Variants in POLDIP3 observed in about 807,000 individuals in gnomAD.
POLDIP3 encodes the protein polymerase delta-interacting protein 3.
A neutral mutation model predicts 45.1 loss-of-function variants in POLDIP3; 14 were observed. The observed-to-expected ratio is 0.31, with a 90% CI of 0.20 to 0.49. The LOEUF (loss-of-function observed/expected upper bound fraction) is 0.49. POLDIP3 is among the 20% of genes least tolerant of loss of function. POLDIP3 has a pLI of 0.99. For missense variants in POLDIP3, 511 were observed against 538.8 expected (o/e 0.95, Z 0.51); for synonymous variants, 223 against 205.2 (o/e 1.09, Z -0.74).
intron 7 of POLDIP3, 34 bp downstream of exon 7, chr22:42,591,921 G>T (rs1925689572): frequency 6.2e-7 from 1 of 1,613,176 alleles, no homozygotes; most frequent in African/African-American, 1.3e-5. Flanking sequence ...GAGATGAGTG[G>T]GAGGGTCAGG....
chr22:42,595,458 A>G, intron 6 of POLDIP3, 79 bp downstream of exon 6: 1 of 1,322,778 alleles, frequency 7.6e-7, no homozygotes, highest in Non-Finnish European at 1.1e-6. Flanking sequence ...GCAGTCATCA[A>G]ACCTGAGGGT....
At chr22:42,602,189 A>T in intron 2 of POLDIP3, 133 bp from the exon 3 acceptor site, 5 of 1,354,836 alleles carry the variant, frequency 3.7e-6, no homozygotes, top group Non-Finnish European at 5.1e-6. Flanking sequence ...AGAGGGCCTT[A>T]TCCTCCACAG....
At position 42,600,760 on chromosome 22, in the gene POLDIP3, A is replaced by G. The variant is rs552887942; in HGVS notation, c.538-967T>C. On this transcript the variant is annotated intron_variant, in intron 3 of 8. Coordinates refer to ENST00000252115, the MANE Select transcript of POLDIP3 (RefSeq NM_032311.5). ...CAAGGTGGGCGAATTACCTGAGGTC[A>G]GGAGTTCGAGATCAGCCTGACCAAC... Among the ~76,000 whole-genome samples the G allele has an allele frequency of 5.1e-3, 777 of 152,238 alleles. 4 individuals are homozygous for G. Among genetic ancestry groups the G allele is most frequent in the African/African-American group, 0.018 (728 of 41,550 alleles).
chr22:42,607,462 C>T (rs973223516), intron 1 of POLDIP3, among the ~76,000 whole-genome samples: 5 of 152,242 alleles, frequency 3.3e-5, no homozygotes, highest in African/African-American at 1.2e-4. Flanking sequence ...TCGCTACAAC[C>T]TCCACCTCCC....
At chr22:42,603,843 T>C (rs1001224691) in intron 1 of POLDIP3, among the ~76,000 whole-genome samples, 2 of 152,210 alleles carry the variant, frequency 1.3e-5, no homozygotes, top group African/African-American at 4.8e-5. Flanking sequence ...GGGTTCGCTA[T>C]TTGGGTAATG....
In POLDIP3 at chr22:42,614,702, C is replaced by G. The variant is rs1210701687; in HGVS notation, c.59+97G>C. ...GCGGCTGTGGTCGGGGGCGGGCGCA[C>G]CCGGTCCTCCGCGTCGCTCCCGGAT... is the stretch of plus-strand genomic sequence containing the variant. On this transcript the variant is annotated intron_variant, in intron 1 of 8. Coordinates refer to ENST00000252115, the MANE Select transcript of POLDIP3 (RefSeq NM_032311.5). The G allele has an allele frequency of 5.1e-6, 7 of 1,383,362 alleles. No homozygotes were observed. The East Asian group carries it at 1.4e-4, about 28-fold the overall frequency. The allele number at this position is 1,383,362 out of a possible 1,614,324, so 85.7% of individuals were successfully genotyped here.
At chr22:42,592,136 C>T (rs556287729) in intron 6 of POLDIP3, 52 bp from the exon 7 acceptor site, 13 of 1,609,558 alleles carry the variant, frequency 8.1e-6, no homozygotes, top group Middle Eastern at 1.7e-4. Flanking sequence ...CAGCACCTGC[C>T]GCTCACACAC....
intron 4 of POLDIP3, 121 bp from the exon 5 acceptor site, chr22:42,596,486 A>G (rs1926001459): frequency 2.0e-6 from 2 of 1,019,338 alleles, no homozygotes; most frequent in East Asian, 5.2e-5. Context: ...CTCTAATTCT[A>G]TTAGAGGTCT....
chr22:42,588,630 C>CTTTTT (rs201367552), intron 7 of POLDIP3, among the ~76,000 whole-genome samples: 1 of 136,956 alleles, frequency 7.3e-6, no homozygotes, highest in Non-Finnish European at 1.6e-5. Context: ...TTCTTTCTTT[C>CTTTTT]TTTTTTTTTT....
At chr22:42,600,634 A>AG (rs1477225394) in intron 3 of POLDIP3, among the ~76,000 whole-genome samples, 3 of 151,296 alleles carry the variant, frequency 2.0e-5, no homozygotes, top group Non-Finnish European at 4.4e-5. Context: ...TCAAAAAAAA[A>AG]AAAAGAATAT....
intron 6 of POLDIP3, among the ~76,000 whole-genome samples, chr22:42,593,445 A>C (rs1400871967): frequency 6.6e-6 from 1 of 152,236 alleles, no homozygotes; most frequent in Non-Finnish European, 1.5e-5. Flanking sequence ...GTATCTTCCA[A>C]GAGTCTGCCT....
At chr22:42,590,535 A>C (rs1429367159) in intron 7 of POLDIP3, among the ~76,000 whole-genome samples, 1 of 151,910 alleles carries the variant, frequency 6.6e-6, no homozygotes, top group Non-Finnish European at 1.5e-5. Context: ...TTGTACATCT[A>C]AACGTAGAAA....
rs759033570 is a variant in POLDIP3 at position 42,614,831 on chromosome 22, G to A, written c.27C>T (p.Leu9=). ...TCGCCGCCGCCCCGCGCTTCCTGAT[G>A]AGTTCGTCCAGGGAGATGTCCGCCA... MADISLDE[L]IRKRGAAAKG... The change falls in exon 1 of 9, where the codon CTC becomes CTT. Residue 9 remains leucine (L), a synonymous_variant. Transcript: ENST00000252115. 2.5e-6 allele frequency: 4 copies of A among 1,613,954 alleles called. No homozygotes were observed. Among genetic ancestry groups the A allele is most frequent in the East Asian group, 4.5e-5 (2 of 44,896 alleles).
chr22:42,614,676 C>G (rs1225757675), intron 1 of POLDIP3, 123 bp downstream of exon 1: 16 of 1,083,408 alleles, frequency 1.5e-5, no homozygotes, highest in Non-Finnish European at 2.0e-5. Flanking sequence ...CAATGAGGAG[C>G]GCGGCTGTGG....
In POLDIP3 at chr22:42,585,870, T is replaced by C. The variant is rs1925274894; in HGVS notation, c.1187A>G (p.Asp396Gly). 1 of 1,613,144 alleles carries C rather than the reference T, an allele frequency of 6.2e-7. No individual in the cohort carries two copies. The highest frequency in any genetic ancestry group is 1.7e-5 in the Admixed American group (1 of 59,986). ...SSNPPAEVDP[D>G]TILKALFKSS... ...CTTGAAGAGTGCCTTCAGGATGGTGTCAGGGTCCACTTCGGCAGGGGGGTT... is the reference window on the plus strand; with the variant it reads ...CTTGAAGAGTGCCTTCAGGATGGTGCCAGGGTCCACTTCGGCAGGGGGGTT... Residue 396 changes from aspartate to glycine, a missense_variant, in exon 9 of 9, where the codon GAC becomes GGC. This residue lies in a region of POLDIP3 where 22 missense variants were observed against 34.1 expected (regional missense o/e 0.64). Coordinates refer to ENST00000252115, the MANE Select transcript of POLDIP3 (RefSeq NM_032311.5).
At chr22:42,587,660 GTCA>G in intron 7 of POLDIP3, 88 bp from the exon 8 acceptor site, 2 of 1,273,890 alleles carry the variant, frequency 1.6e-6, no homozygotes, top group Non-Finnish European at 2.3e-6. Context: ...ATTATCAATG[GTCA>G]AAGCACCCAC....
chr22:42,584,833 T>C lies in POLDIP3; in HGVS notation c.*958A>G. The C allele has an allele frequency of 4.4e-6, 2 of 453,718 alleles. No individual in the cohort carries two copies. The highest frequency in any genetic ancestry group is 4.7e-5 in the Admixed American group (2 of 42,214). The allele number at this position is 453,718 out of a possible 1,614,324, so 28.1% of individuals were successfully genotyped here. On this transcript the variant is annotated 3_prime_UTR_variant, in exon 9 of 9. Transcript: ENST00000252115. ...CCAGGCATCCCTGACCACTGTCCTG[T>C]AGACAACTGAGGCCAGAAATGGAGA... is the stretch of plus-strand genomic sequence containing the variant.
intron 1 of POLDIP3, among the ~76,000 whole-genome samples, chr22:42,612,696 G>T (rs1462901376): frequency 6.6e-6 from 1 of 151,954 alleles, no homozygotes; most frequent in Non-Finnish European, 1.5e-5. Flanking sequence ...CGTGGTGTCG[G>T]GCACCTGTAA....
At chr22:42,596,044 G>C (rs1302701160) in intron 5 of POLDIP3, 142 bp downstream of exon 5, 18 of 866,222 alleles carry the variant, frequency 2.1e-5, no homozygotes, top group Non-Finnish European at 3.2e-5. Flanking sequence ...GAGGGTAAGA[G>C]TCCCTAGGTC....
Sources: gnomAD v4.1 joint callset for allele counts (sites outside exome capture counted in the v4.1 genomes callset) on GRCh38, gnomAD v4.1.1 for gene constraint, gnomAD v4.1.1 regional missense constraint, MANE v1.5 for transcripts, NCBI Gene and HGNC (gene_info 2026-07-23, HGNC 2026-07-21) for gene names.